TDRD3: variants seen among roughly 807,000 people sequenced by gnomAD.
TDRD3 encodes tudor domain-containing protein 3.
TDRD3 carries 45 observed loss-of-function variants against 86.7 expected under a neutral mutation model. The observed-to-expected ratio is 0.52, with a 90% confidence interval of 0.41 to 0.67. The LOEUF (loss-of-function observed/expected upper bound fraction) is 0.67. Among genes scored for constraint, TDRD3 ranks in the 30% least tolerant of loss-of-function variants. The pLI is 0.00. For missense variants in TDRD3, 814 were observed against 889.0 expected (o/e 0.92, Z 1.07); for synonymous variants, 298 against 301.7 (o/e 0.99, Z 0.13).
chr13:60,462,306 G>A (rs1254529768), intron 4 of TDRD3, among the ~76,000 whole-genome samples: 2 of 152,084 alleles, frequency 1.3e-5, no homozygotes, highest in Non-Finnish European at 2.9e-5. Context: ...AAAAACACAA[G>A]GTCAGCCCTG....
At chr13:60,409,856 G>T (rs1480721995) in intron 1 of TDRD3, among the ~76,000 whole-genome samples, 7 of 152,130 alleles carry the variant, frequency 4.6e-5, no homozygotes, top group Non-Finnish European at 2.9e-5. Context: ...AAATGTGAGG[G>T]CATGAGATTT....
intron 12 of TDRD3, among the ~76,000 whole-genome samples, chr13:60,539,875 A>T (rs1957773103): frequency 6.6e-6 from 1 of 152,086 alleles, no homozygotes; most frequent in Non-Finnish European, 1.5e-5. Flanking sequence ...TCGTGTTAGT[A>T]ATTTTAATGG....
chr13:60,537,371 A>G (rs1957719615), intron 12 of TDRD3: 1 of 151,994 alleles, frequency 6.6e-6, no homozygotes, highest in Non-Finnish European at 1.5e-5. Flanking sequence ...ATCTCAACCT[A>G]TTTCTATTTT....
chr13:60,535,430 C>T lies in TDRD3; in HGVS notation c.2118+197C>T, dbSNP rs1957678150. ...CAATAAAAATGAATGCATTGAATTACTTTTCTTGTATAATGTTTTGTTGTA... is the reference window on the plus strand; with the variant it reads ...CAATAAAAATGAATGCATTGAATTATTTTTCTTGTATAATGTTTTGTTGTA... On this transcript the variant is annotated intron_variant, in intron 12 of 13. Coordinates refer to ENST00000377881, the MANE Select transcript of TDRD3 (RefSeq NM_001146070.2). 3 of 470,068 alleles carry T rather than the reference C, an allele frequency of 6.4e-6. No individual in the cohort carries two copies. The East Asian group carries it at 1.4e-4, about 21-fold the overall frequency. 29.1% of individuals were successfully genotyped at this position (470,068 alleles called of 1,614,324 possible).
At position 60,535,283 on chromosome 13, in the gene TDRD3, A is replaced by G. The variant is rs201820811; in HGVS notation, c.2118+50A>G. On this transcript the variant is annotated intron_variant, in intron 12 of 13. Transcript: ENST00000377881. ...AGGCATAAACTATTTTGAAGAAAAT[A>G]TATAGCTCTAAAGAATTAGATAGCC... 6.5e-6 allele frequency: 10 copies of G among 1,545,084 alleles called. No individual in the cohort carries two copies. In the African/African-American group the frequency reaches 9.8e-5, roughly 15 times the overall value.
chr13:60,488,185 G>T lies in TDRD3; in HGVS notation c.717+2237G>T, dbSNP rs183451145. 4.4e-4 allele frequency among the ~76,000 whole-genome samples: 67 copies of T among 152,274 alleles called. No homozygotes were observed. The East Asian group carries it at 0.01, about 23-fold the overall frequency. ...TCTCCCTGATGGGCTAAAATTAGGGGTTTATATAGCAGAGAAGAAATCTAT... is the reference window on the plus strand; with the variant it reads ...TCTCCCTGATGGGCTAAAATTAGGGTTTTATATAGCAGAGAAGAAATCTAT... On this transcript the variant is annotated intron_variant, in intron 7 of 13. Transcript: ENST00000377881.
At chr13:60,461,032 TA>T (rs1404495870) in intron 4 of TDRD3, 3 of 151,480 alleles carry the variant, frequency 2.0e-5, no homozygotes, top group African/African-American at 7.3e-5. Context: ...AAAAATAAAT[TA>T]AAAAATAGTT....
chr13:60,427,197 T>C (rs1216179605), intron 1 of TDRD3, among the ~76,000 whole-genome samples: 1 of 152,178 alleles, frequency 6.6e-6, no homozygotes, highest in Non-Finnish European at 1.5e-5. Context: ...CCACTTTAAA[T>C]CTTTATTATT....
At chr13:60,519,923 CA>C (rs2137718490) in intron 10 of TDRD3, among the ~76,000 whole-genome samples, 1 of 152,272 alleles carries the variant, frequency 6.6e-6, no homozygotes, top group African/African-American at 2.4e-5. Context: ...TGGGACTAAA[CA>C]GGGCAATCTT....
rs201553731 is a variant in TDRD3, at chr13:60,557,822, T to A, written c.2119-9703T>A. ...CATAAAGGATTTTTTTTTTCCTGAT[T>A]TTTTTTTTTTTTTTTTTTTTGAGAC... On this transcript the variant is annotated intron_variant, in intron 12 of 13. Transcript: ENST00000377881. Among the ~76,000 whole-genome samples the A allele has an allele frequency of 3.5e-4, 44 of 125,498 alleles. 2 individuals are homozygous for A. The highest frequency in any genetic ancestry group is 3.0e-3 in the East Asian group (13 of 4,396). The allele number at this position is 125,498 out of a possible 152,430, so 82.3% of individuals were successfully genotyped here.
At chr13:60,405,866 G>A (rs745586728) in intron 1 of TDRD3, among the ~76,000 whole-genome samples, 2 of 152,210 alleles carry the variant, frequency 1.3e-5, no homozygotes, top group Non-Finnish European at 2.9e-5. Flanking sequence ...TGAAATAGAT[G>A]GTGATGGTTG....
chr13:60,533,808 A>G (rs1957638642), intron 11 of TDRD3, among the ~76,000 whole-genome samples: 1 of 152,212 alleles, frequency 6.6e-6, no homozygotes, highest in Admixed American at 6.5e-5. Context: ...GATGATCTGT[A>G]CTGAAAGATT....
rs144576630 is a variant in TDRD3, at chr13:60,403,903, C to G, written c.41+6498C>G. Among the ~76,000 whole-genome samples the G allele has an allele frequency of 6.6e-3, 1,011 of 152,286 alleles. 15 individuals are homozygous for G. Among genetic ancestry groups the G allele is most frequent in the African/African-American group, 0.022 (912 of 41,556 alleles). ...GGCATATACAGAGAAATATGTAACT[C>G]TATACAATAATATGTGCACTGAAAT... On this transcript the variant is annotated intron_variant, in intron 1 of 13. Coordinates refer to ENST00000377881, the MANE Select transcript of TDRD3 (RefSeq NM_001146070.2).
At chr13:60,504,827 G>A (rs1438039147) in intron 8 of TDRD3, among the ~76,000 whole-genome samples, 1 of 152,156 alleles carries the variant, frequency 6.6e-6, no homozygotes, top group Non-Finnish European at 1.5e-5. Context: ...CACCTGGGAA[G>A]CACAAGGGGT....
chr13:60,475,470 C>A (rs1330530305), intron 5 of TDRD3, among the ~76,000 whole-genome samples: 1 of 152,080 alleles, frequency 6.6e-6, no homozygotes, highest in Admixed American at 6.6e-5. Flanking sequence ...GTATATCTAC[C>A]ACATTTTCTT....
upstream of TDRD3, among the ~76,000 whole-genome samples, chr13:60,395,639 T>C (rs564497657): frequency 6.6e-6 from 1 of 152,272 alleles, no homozygotes; most frequent in East Asian, 1.9e-4. Flanking sequence ...TGATGATTGG[T>C]ACAACATATT....
intron 5 of TDRD3, among the ~76,000 whole-genome samples, chr13:60,478,291 A>ATTTT (rs34449105): frequency 1.1e-4 from 8 of 74,330 alleles, no homozygotes; most frequent in Admixed American, 4.8e-4. Context: ...CAGTCTACCA[A>ATTTT]TTTTTTTTTT....
chr13:60,477,196 G>C (rs970823780), intron 5 of TDRD3, among the ~76,000 whole-genome samples: 2 of 130,710 alleles, frequency 1.5e-5, no homozygotes, highest in African/African-American at 5.4e-5. Flanking sequence ...TGTTATAGAT[G>C]GTTATTATTA....
At chr13:60,561,603 TA>T (rs1313754952) in intron 12 of TDRD3, among the ~76,000 whole-genome samples, 2 of 152,162 alleles carry the variant, frequency 1.3e-5, no homozygotes, top group Non-Finnish European at 2.9e-5. Context: ...AAATAAATAA[TA>T]AAAAAATATA....
Sources: gnomAD v4.1 joint callset for allele counts (sites outside exome capture counted in the v4.1 genomes callset) on GRCh38, gnomAD v4.1.1 for gene constraint, MANE v1.5 for transcripts, NCBI Gene and HGNC (gene_info 2026-07-23, HGNC 2026-07-21) for gene names.